FOXP2: variants seen among roughly 807,000 people sequenced by gnomAD.
The protein encoded by FOXP2 is forkhead box protein P2.
In FOXP2, 12 loss-of-function variants were observed where a neutral mutation model predicts 115.8. The observed-to-expected ratio is 0.10, with a 90% confidence interval of 0.07 to 0.17. The LOEUF (loss-of-function observed/expected upper bound fraction) is 0.17. Among genes scored for constraint, FOXP2 ranks in the 10% least tolerant of loss-of-function variants. The probability of loss-of-function intolerance (pLI) is 1.00; values close to 1 mark genes in which losing one functional copy is unlikely to be tolerated. For missense variants in FOXP2, 629 were observed against 843.5 expected, an observed-to-expected ratio of 0.75 and a Z score of 3.15; for synonymous variants, 328 against 297.7, an observed-to-expected ratio of 1.10 and a Z score of -1.05.
Position 114,642,455 on chromosome 7 carries a change from C to T in FOXP2, c.821C>T (p.Thr274Ile). 1 of 1,613,692 alleles carries T rather than the reference C, an allele frequency of 6.2e-7. No homozygotes were observed. The highest frequency in any genetic ancestry group is 1.3e-5 in the African/African-American group (1 of 74,976). Reference protein sequence around the residue: ...AEIQQLWKEVTGVHSMEDNGI... With the variant: ...AEIQQLWKEVIGVHSMEDNGI... ...ATTCAGCAGTTATGGAAAGAAGTGA[C>T]TGGAGTTCACAGTATGGAAGACAAT... Residue 274 changes from threonine to isoleucine, a missense_variant, in exon 7 of 17, where the codon ACT becomes ATT. Coordinates refer to ENST00000350908, the MANE Select transcript of FOXP2 (RefSeq NM_014491.4).
chr7:114,573,700 G>C (rs1801433644), intron 3 of FOXP2, among the ~76,000 whole-genome samples: 1 of 151,548 alleles, frequency 6.6e-6, no homozygotes, highest in Non-Finnish European at 1.5e-5. Context: ...CAAATTGGTG[G>C]ATTAAATTAA....
At chr7:114,196,621 T>G (rs1458431867) in intron 1 of FOXP2, among the ~76,000 whole-genome samples, 1 of 152,180 alleles carries the variant, frequency 6.6e-6, no homozygotes, top group Non-Finnish European at 1.5e-5. Context: ...GTGTCAGTCA[T>G]TTAAGAGTAT....
chr7:114,493,528 T>C (rs1797167386), intron 2 of FOXP2, among the ~76,000 whole-genome samples: 1 of 152,156 alleles, frequency 6.6e-6, no homozygotes, highest in Non-Finnish European at 1.5e-5. Context: ...GCTGTGCTCC[T>C]AAATGTGCTC....
At chr7:114,105,782 T>C (rs1791096334) in intron 1 of FOXP2, among the ~76,000 whole-genome samples, 1 of 152,094 alleles carries the variant, frequency 6.6e-6, no homozygotes, top group Non-Finnish European at 1.5e-5. Context: ...AAGGCAGATA[T>C]ATCTTCTCTG....
intron 2 of FOXP2, among the ~76,000 whole-genome samples, chr7:114,300,261 G>A (rs1337202999): frequency 2.0e-5 from 3 of 152,012 alleles, no homozygotes; most frequent in South Asian, 4.1e-4. Flanking sequence ...AAGGGAACTG[G>A]TTAAGTTAGA....
At chr7:114,581,722 TAC>T (rs1387563850) in intron 3 of FOXP2, among the ~76,000 whole-genome samples, 2 of 152,208 alleles carry the variant, frequency 1.3e-5, no homozygotes, top group Non-Finnish European at 2.9e-5. Context: ...TGTAGTATCA[TAC>T]ACAGTTTTCA....
chr7:114,568,488 G>A (rs1027522305), intron 3 of FOXP2, among the ~76,000 whole-genome samples: 8 of 151,046 alleles, frequency 5.3e-5, no homozygotes, highest in Non-Finnish European at 7.4e-5. Flanking sequence ...CAAGGTTATC[G>A]TTTCGTTAAA....
chr7:114,171,027 C>T (rs1316954738), intron 1 of FOXP2, among the ~76,000 whole-genome samples: 1 of 152,202 alleles, frequency 6.6e-6, no homozygotes, highest in Non-Finnish European at 1.5e-5. Flanking sequence ...CTTCAAAGGA[C>T]AGGCTGACTC....
intron 3 of FOXP2, among the ~76,000 whole-genome samples, chr7:114,545,849 G>C (rs1319386880): frequency 6.6e-6 from 1 of 152,062 alleles, no homozygotes; most frequent in East Asian, 1.9e-4. Flanking sequence ...ACTACTTGGT[G>C]AAGTCTCCTT....
intron 2 of FOXP2, among the ~76,000 whole-genome samples, chr7:114,406,981 A>T (rs1200103870): frequency 1.3e-5 from 2 of 152,006 alleles, no homozygotes; most frequent in Non-Finnish European, 2.9e-5. Flanking sequence ...TAGTAACTTG[A>T]ACAGAGAGAA....
intron 1 of FOXP2, among the ~76,000 whole-genome samples, chr7:114,103,348 C>G (rs1791034670): frequency 6.6e-6 from 1 of 152,030 alleles, no homozygotes; most frequent in African/African-American, 2.4e-5. Flanking sequence ...AGGTTTTCTT[C>G]TGTGTCTTTG....
At chr7:114,180,185 T>C (rs1393438927) in intron 1 of FOXP2, among the ~76,000 whole-genome samples, 1 of 152,008 alleles carries the variant, frequency 6.6e-6, no homozygotes, top group African/African-American at 2.4e-5. Flanking sequence ...TCTGAAATGA[T>C]GTTACTGTTG....
intron 1 of FOXP2, among the ~76,000 whole-genome samples, chr7:114,211,982 A>G (rs1382660916): frequency 1.3e-5 from 2 of 152,022 alleles, no homozygotes; most frequent in Non-Finnish European, 2.9e-5. Flanking sequence ...CTGAGGCAGG[A>G]GAATCACTTG....
At chr7:114,427,264 T>C (rs1793899187) in intron 2 of FOXP2, among the ~76,000 whole-genome samples, 1 of 151,782 alleles carries the variant, frequency 6.6e-6, no homozygotes, top group African/African-American at 2.4e-5. Context: ...AGAGCACTTT[T>C]TGTGTTCTCC....
intron 1 of FOXP2, among the ~76,000 whole-genome samples, chr7:114,201,092 G>C (rs950879956): frequency 2.0e-5 from 3 of 152,018 alleles, no homozygotes; most frequent in Admixed American, 1.3e-4. Flanking sequence ...GGAGGCAGAG[G>C]TTGCAGTGAG....
At chr7:114,422,642 A>G (rs1384371217) in intron 1 of FOXP2, among the ~76,000 whole-genome samples, 1 of 151,672 alleles carries the variant, frequency 6.6e-6, no homozygotes, top group Non-Finnish European at 1.5e-5. Flanking sequence ...AGAAGACCAT[A>G]GAGAAAGTTG....
intron 3 of FOXP2, among the ~76,000 whole-genome samples, chr7:114,536,217 T>C (rs1182231131): frequency 6.6e-6 from 1 of 151,486 alleles, no homozygotes; most frequent in Non-Finnish European, 1.5e-5. Context: ...ATGAAGTTAC[T>C]GTTTTGAGTG....
chr7:114,199,999 C>T (rs981005649), intron 1 of FOXP2, among the ~76,000 whole-genome samples: 1 of 152,052 alleles, frequency 6.6e-6, no homozygotes. Flanking sequence ...TTCATCATAT[C>T]CTGCCTTGTA....
chr7:114,301,446 T>G (rs1382244345), intron 2 of FOXP2, among the ~76,000 whole-genome samples: 1 of 152,096 alleles, frequency 6.6e-6, no homozygotes, highest in Non-Finnish European at 1.5e-5. Context: ...TAACAGTGTC[T>G]CAAATTGTTG....
Sources: gnomAD v4.1 joint callset for allele counts (sites outside exome capture counted in the v4.1 genomes callset) on GRCh38, gnomAD v4.1.1 for gene constraint, MANE v1.5 for transcripts, NCBI Gene and HGNC (gene_info 2026-07-23, HGNC 2026-07-21) for gene names.